ARMC3: variants seen among roughly 807,000 people sequenced by gnomAD.
ARMC3 encodes the protein armadillo repeat containing 3.
A neutral mutation model predicts 90.3 loss-of-function variants in ARMC3; 74 were observed. The ratio of observed to expected loss-of-function variants is 0.82; its 90% confidence interval spans 0.68 to 0.99. The LOEUF (loss-of-function observed/expected upper bound fraction) is 0.99. Among genes scored for constraint, ARMC3 ranks in the 50% least tolerant of loss-of-function variants. ARMC3 has a pLI of 0.00. For synonymous variants in ARMC3, 334 were observed against 361.8 expected (o/e 0.92, Z 0.87); for missense variants, 958 against 1,042.8 (o/e 0.92, Z 1.12).
chr10:22,946,343 TC>T, intron 3 of ARMC3, 82 bp downstream of exon 3: 1 of 887,028 alleles, frequency 1.1e-6, no homozygotes, highest in Non-Finnish European at 1.8e-6. Context: ...TTCTTCCTAG[TC>T]TTTAACTTAC....
At chr10:22,991,100 A>G (rs749319921) in intron 10 of ARMC3, among the ~76,000 whole-genome samples, 9 of 152,302 alleles carry the variant, frequency 5.9e-5, no homozygotes, top group African/African-American at 1.4e-4. Flanking sequence ...TGAAAATACT[A>G]TACTTTTTAA....
chr10:22,931,346 A>T (rs1833923344), intron 1 of ARMC3, among the ~76,000 whole-genome samples: 1 of 152,234 alleles, frequency 6.6e-6, no homozygotes, highest in Non-Finnish European at 1.5e-5. Flanking sequence ...GAAAGGAAGT[A>T]ACCTCAGTTT....
intron 10 of ARMC3, among the ~76,000 whole-genome samples, chr10:22,984,883 T>A (rs543410954): frequency 1.3e-5 from 2 of 150,248 alleles, no homozygotes; most frequent in Non-Finnish European, 3.0e-5. Flanking sequence ...AACCTTCTGT[T>A]TTTTTTTTAG....
intron 13 of ARMC3, among the ~76,000 whole-genome samples, chr10:23,004,945 G>C (rs1180639970): frequency 1.3e-5 from 2 of 152,126 alleles, no homozygotes; most frequent in African/African-American, 2.4e-5. Context: ...GGCCGGGCGT[G>C]GTGGCTCACG....
intron 7 of ARMC3, among the ~76,000 whole-genome samples, chr10:22,963,766 T>A (rs1341660511): frequency 3.3e-5 from 5 of 151,444 alleles, no homozygotes; most frequent in Non-Finnish European, 5.9e-5. Context: ...GGCACGTGCC[T>A]GTAATCCCAG....
intron 6 of ARMC3, chr10:22,961,642 A>T (rs922270192): frequency 1.8e-5 from 7 of 395,304 alleles, no homozygotes; most frequent in Non-Finnish European, 2.7e-5. Flanking sequence ...AATAAACAAT[A>T]GATAAAAGTC....
In ARMC3 at chr10:22,960,513, G is replaced by A. The variant is rs1396895464; in HGVS notation, c.537+939G>A. 2.0e-5 allele frequency: 3 copies of A among 152,008 alleles called. No individual in the cohort carries two copies. The East Asian group carries it at 5.8e-4, about 29-fold the overall frequency. The allele number at this position is 152,008 out of a possible 1,614,324, so 9.4% of individuals were successfully genotyped here. A position where few individuals can be genotyped will look rare whatever the true frequency, so the allele number is the denominator to read the frequency against. On this transcript the variant is annotated intron_variant, in intron 6 of 18. Transcript: ENST00000298032. ...CTAAAAAAGAGACCCTGAGAAAGAA[G>A]CTCAGCCCCTCTTTTCCCTTCTCCG...
chr10:23,002,108 G>A lies in ARMC3; in HGVS notation c.1562+53G>A, dbSNP rs75148072. On this transcript the variant is annotated intron_variant, in intron 12 of 18. Coordinates refer to ENST00000298032, the MANE Select transcript of ARMC3 (RefSeq NM_173081.5). Reference sequence around the variant, plus strand: ...GCTCAGATGAAGAGCAGAAGACGGAGAGGCACACTCTTTAGGCCCAAGGAA... The same window carrying A: ...GCTCAGATGAAGAGCAGAAGACGGAAAGGCACACTCTTTAGGCCCAAGGAA... The A allele has an allele frequency of 4.8e-4, 759 of 1,594,894 alleles. 1 individual carries two copies. In the African/African-American group the frequency reaches 5.2e-3, roughly 11 times the overall value.
At chr10:22,976,446 G>C (rs1469863814) in intron 8 of ARMC3, among the ~76,000 whole-genome samples, 1 of 152,044 alleles carries the variant, frequency 6.6e-6, no homozygotes, top group African/African-American at 2.4e-5. Context: ...CTCTGGGTGG[G>C]AATCCACACT....
chr10:22,984,053 A>G (rs1836301729), intron 10 of ARMC3, among the ~76,000 whole-genome samples: 2 of 152,244 alleles, frequency 1.3e-5, no homozygotes, highest in Admixed American at 1.3e-4. Flanking sequence ...TAAGTAGCAT[A>G]GGAGACAAAA....
intron 12 of ARMC3, 70 bp downstream of exon 12, chr10:23,002,125 C>T: frequency 1.9e-6 from 3 of 1,545,006 alleles, no homozygotes; most frequent in Non-Finnish European, 2.6e-6. Context: ...ACTCTTTAGG[C>T]CCAAGGAATT....
At chr10:22,934,050 A>C (rs1244338670) in intron 2 of ARMC3, among the ~76,000 whole-genome samples, 2 of 152,242 alleles carry the variant, frequency 1.3e-5, no homozygotes, top group Non-Finnish European at 2.9e-5. Flanking sequence ...TCTAAAGTCA[A>C]TAAAGGTTTG....
chr10:22,955,857 A>C lies in ARMC3; in HGVS notation c.217A>C (p.Thr73Pro). 1 of 1,614,026 alleles carries C rather than the reference A, an allele frequency of 6.2e-7. No individual in the cohort carries two copies. Among genetic ancestry groups the C allele is most frequent in the Non-Finnish European group, 8.5e-7 (1 of 1,179,886 alleles). ...TGAACTTGGAGCTGTGGAACCTTTA[A>C]CTAAGCTACTCACCCATGAAGACAA... ...LLELGAVEPLTKLLTHEDKIV... is the reference protein window; with the variant it reads ...LLELGAVEPLPKLLTHEDKIV... Residue 73 changes from threonine (T) to proline (P), a missense_variant, in exon 4 of 19, where the codon ACT becomes CCT. Thr to Pro is a conservative substitution (Grantham distance 38). Coordinates refer to ENST00000298032, the MANE Select transcript of ARMC3 (RefSeq NM_173081.5).
In ARMC3 at chr10:23,008,292, A is replaced by G. The variant is rs1056813876; in HGVS notation, c.1846A>G (p.Met616Val). The change falls in exon 15 of 19, where the codon ATG becomes GTG. Residue 616 changes from methionine (M) to valine (V), a missense_variant. Coordinates refer to ENST00000298032, the MANE Select transcript of ARMC3 (RefSeq NM_173081.5). ...AAATTTTAGTTCTCCACCTTCATCT[A>G]TGGAAGATAAATCAGATGTTGGTTA... ...SKSYVSPPSSMEDKSDVGYGR... is the reference protein window; with the variant it reads ...SKSYVSPPSSVEDKSDVGYGR... 11 of 1,535,410 alleles carry G rather than the reference A, an allele frequency of 7.2e-6. No homozygotes were observed. Among genetic ancestry groups the G allele is most frequent in the South Asian group, 1.2e-5 (1 of 82,598 alleles).
chr10:22,930,996 C>T (rs1244608356), intron 1 of ARMC3, among the ~76,000 whole-genome samples: 3 of 151,846 alleles, frequency 2.0e-5, no homozygotes, highest in African/African-American at 7.3e-5. Flanking sequence ...GGTGCGATCT[C>T]GGCTCACTGC....
intron 3 of ARMC3, among the ~76,000 whole-genome samples, chr10:22,953,106 G>A (rs1416239728): frequency 2.6e-5 from 4 of 152,156 alleles, no homozygotes; most frequent in Admixed American, 2.0e-4. Context: ...AAAAAAGAAG[G>A]CAAGAGAGTC....
chr10:23,033,152 C>A lies in ARMC3; in HGVS notation c.2409+129C>A. 9 of 864,006 alleles carry A rather than the reference C, an allele frequency of 1.0e-5. No individual in the cohort carries two copies. The South Asian group carries it at 1.5e-4, about 15-fold the overall frequency. The allele number at this position is 864,006 out of a possible 1,614,324, so 53.5% of individuals were successfully genotyped here. ...TACCATTTAGATTTATTTATATCTA[C>A]ATATAAGTGTATATATACTTATATA... is the stretch of plus-strand genomic sequence containing the variant. On this transcript the variant is annotated intron_variant, in intron 18 of 18. Transcript: ENST00000298032.
intron 16 of ARMC3, chr10:23,014,193 CA>C: frequency 6.5e-7 from 1 of 1,547,602 alleles, no homozygotes; most frequent in Non-Finnish European, 8.7e-7. Context: ...GATTCAGACA[CA>C]ACTGGGCCTT....
At chr10:23,027,021 C>CTA (rs1267944840) in intron 16 of ARMC3, among the ~76,000 whole-genome samples, 2 of 152,190 alleles carry the variant, frequency 1.3e-5, no homozygotes, top group African/African-American at 2.4e-5. Flanking sequence ...ATTACTGTAG[C>CTA]TATATAGTAA....
Sources: gnomAD v4.1 joint callset for allele counts (sites outside exome capture counted in the v4.1 genomes callset) on GRCh38, gnomAD v4.1.1 for gene constraint, MANE v1.5 for transcripts, NCBI Gene and HGNC (gene_info 2026-07-23, HGNC 2026-07-21) for gene names.